Variants in TAF3 observed in about 807,000 individuals in gnomAD.
The protein encoded by TAF3 is transcription initiation factor TFIID subunit 3.
Under a neutral mutation model 80.6 loss-of-function variants are expected in TAF3, and 7 were observed. The ratio of observed to expected loss-of-function variants is 0.09; its 90% CI spans 0.05 to 0.16. The LOEUF (loss-of-function observed/expected upper bound fraction) is 0.16, where lower values mean the gene tolerates loss of function less well. Among genes scored for constraint, TAF3 ranks in the 10% least tolerant of loss-of-function variants. TAF3 has a pLI of 1.00. For missense variants in TAF3, 921 were observed against 1,140.2 expected (o/e 0.81, Z 2.77); for synonymous variants, 444 against 446.1 (o/e 1.00, Z 0.06).
intron 2 of TAF3, among the ~76,000 whole-genome samples, chr10:7,866,331 A>G (rs1837214574): frequency 1.3e-5 from 2 of 152,164 alleles, no homozygotes; most frequent in Non-Finnish European, 2.9e-5. Context: ...AAGATGAGAG[A>G]TGAGGCTGAG....
At chr10:7,873,903 A>C (rs1232334711) in intron 2 of TAF3, among the ~76,000 whole-genome samples, 1 of 152,240 alleles carries the variant, frequency 6.6e-6, no homozygotes, top group East Asian at 1.9e-4. Flanking sequence ...TGTATTGAGC[A>C]CTTAGGTTCC....
At chr10:7,818,972 G>T in intron 1 of TAF3, 97 bp downstream of exon 1, 1 of 1,184,632 alleles carries the variant, frequency 8.4e-7, no homozygotes, top group Non-Finnish European at 1.1e-6. Context: ...TGTGCATCCC[G>T]CACCCCGCCT....
intron 1 of TAF3, 94 bp downstream of exon 1, chr10:7,818,969 C>T (rs953073583): frequency 1.3e-5 from 16 of 1,193,582 alleles, no homozygotes; most frequent in Non-Finnish European, 1.7e-5. Flanking sequence ...GGGTGTGCAT[C>T]CCGCACCCCG....
chr10:7,837,007 G>A (rs958327627), intron 2 of TAF3, among the ~76,000 whole-genome samples: 2 of 152,130 alleles, frequency 1.3e-5, no homozygotes, highest in African/African-American at 2.4e-5. Context: ...CAGGAGGATC[G>A]TTTGAGCCCA....
chr10:7,988,572 CAAA>C (rs58825999), intron 4 of TAF3, among the ~76,000 whole-genome samples: 18 of 49,280 alleles, frequency 3.7e-4, no homozygotes, highest in South Asian at 1.3e-3. Flanking sequence ...GACCCTGTCT[CAAA>C]AAAAAAAAAA....
At chr10:7,820,459 G>A (rs1369855965) in intron 1 of TAF3, among the ~76,000 whole-genome samples, 1 of 152,184 alleles carries the variant, frequency 6.6e-6, no homozygotes. Flanking sequence ...TTCCAAAAAT[G>A]TATATGTTTT....
chr10:7,892,849 C>T (rs1349705441), intron 2 of TAF3, among the ~76,000 whole-genome samples: 4 of 138,868 alleles, frequency 2.9e-5, no homozygotes, highest in African/African-American at 1.1e-4. Flanking sequence ...CGGAGTTTCT[C>T]TCTTGTAGCC....
chr10:7,906,178 T>C (rs949529176), intron 2 of TAF3, among the ~76,000 whole-genome samples: 4 of 152,216 alleles, frequency 2.6e-5, no homozygotes, highest in African/African-American at 9.7e-5. Flanking sequence ...AACTCAACTT[T>C]CCTTTATTTT....
chr10:7,904,760 C>T (rs1419366535), intron 2 of TAF3, among the ~76,000 whole-genome samples: 1 of 151,962 alleles, frequency 6.6e-6, no homozygotes, highest in Non-Finnish European at 1.5e-5. Context: ...GGAATAGTTA[C>T]CAGCATTTGA....
chr10:7,845,210 T>C (rs75503237), intron 2 of TAF3, among the ~76,000 whole-genome samples: 5,875 of 151,682 alleles, frequency 0.039, 158 homozygotes, highest in South Asian at 0.085. Context: ...CATTTTGTTT[T>C]AAAATTTTTA....
At chr10:7,827,135 A>G (rs558093005) in intron 2 of TAF3, among the ~76,000 whole-genome samples, 22 of 152,314 alleles carry the variant, frequency 1.4e-4, no homozygotes, top group South Asian at 2.1e-4. Context: ...GTGTGCACAC[A>G]TAGAAGGCCT....
chr10:7,858,802 G>A (rs2131133011), intron 2 of TAF3, among the ~76,000 whole-genome samples: 1 of 132,278 alleles, frequency 7.6e-6, no homozygotes, highest in Middle Eastern at 3.9e-3. Context: ...GTACATTATA[G>A]GCTCTGTGTG....
chr10:7,917,810 A>G (rs771238322), intron 2 of TAF3, among the ~76,000 whole-genome samples: 2 of 152,210 alleles, frequency 1.3e-5, no homozygotes, highest in East Asian at 3.9e-4. Flanking sequence ...GTTATATAAG[A>G]TGAAAACTGA....
intron 2 of TAF3, among the ~76,000 whole-genome samples, chr10:7,864,800 G>C (rs941453253): frequency 6.7e-6 from 1 of 148,684 alleles, no homozygotes; most frequent in Non-Finnish European, 1.5e-5. Flanking sequence ...AAATGTTTCA[G>C]TTTTAAGGAA....
chr10:7,941,244 A>G (rs537851264), intron 2 of TAF3, among the ~76,000 whole-genome samples: 5 of 152,362 alleles, frequency 3.3e-5, no homozygotes, highest in Admixed American at 2.6e-4. Flanking sequence ...GCTGACAGGT[A>G]GAATGTCTTT....
intron 2 of TAF3, among the ~76,000 whole-genome samples, chr10:7,849,102 T>G (rs928247636): frequency 6.6e-6 from 1 of 152,184 alleles, no homozygotes; most frequent in African/African-American, 2.4e-5. Flanking sequence ...ACATGTTTCC[T>G]TAGGTACCAA....
chr10:7,944,906 T>C (rs4747643), intron 2 of TAF3, among the ~76,000 whole-genome samples: 79,804 of 152,050 alleles, frequency 0.52, 22,782 homozygotes, highest in East Asian at 0.7. Context: ...TTCCAGAATT[T>C]TGTCAAGGTC....
At chr10:7,832,585 C>A (rs1400607920) in intron 2 of TAF3, among the ~76,000 whole-genome samples, 1 of 152,032 alleles carries the variant, frequency 6.6e-6, no homozygotes, top group Non-Finnish European at 1.5e-5. Context: ...GCACTGTCAC[C>A]CAGGCTGGAG....
intron 2 of TAF3, among the ~76,000 whole-genome samples, chr10:7,935,870 G>T (rs1031303638): frequency 6.6e-6 from 1 of 152,154 alleles, no homozygotes; most frequent in Non-Finnish European, 1.5e-5. Flanking sequence ...CTAGTACAGA[G>T]GGTGTTTATA....
Sources: gnomAD v4.1 joint callset for allele counts (sites outside exome capture counted in the v4.1 genomes callset) on GRCh38, gnomAD v4.1.1 for gene constraint, MANE v1.5 for transcripts, NCBI Gene and HGNC (gene_info 2026-07-23, HGNC 2026-07-21) for gene names.